DEPDC1B: variants seen among roughly 807,000 people sequenced by gnomAD.
DEPDC1B encodes DEP domain containing 1B.
In DEPDC1B, 51 loss-of-function variants were observed where a neutral mutation model predicts 66.5. That is an observed-to-expected ratio of 0.77 (90% confidence interval 0.61 to 0.97). The LOEUF is 0.97. Among genes scored for constraint, DEPDC1B ranks in the 50% least tolerant of loss-of-function variants. DEPDC1B has a pLI of 0.00. For synonymous variants in DEPDC1B, 226 were observed against 223.6 expected (o/e 1.01, Z -0.10); for missense variants, 552 against 637.1 (o/e 0.87, Z 1.44).
chr5:60,646,906 A>G (rs1403830390), intron 3 of DEPDC1B, among the ~76,000 whole-genome samples: 2 of 152,136 alleles, frequency 1.3e-5, no homozygotes, highest in Non-Finnish European at 2.9e-5. Flanking sequence ...ATGCCTGATG[A>G]TCTGTCATTG....
chr5:60,653,861 T>A (rs1448243786), intron 2 of DEPDC1B, among the ~76,000 whole-genome samples: 1 of 141,292 alleles, frequency 7.1e-6, no homozygotes, highest in Admixed American at 6.7e-5. Context: ...TTGAATAGGG[T>A]GTCCTTTCCC....
intron 7 of DEPDC1B, among the ~76,000 whole-genome samples, chr5:60,634,710 A>G (rs976176737): frequency 3.1e-4 from 47 of 151,550 alleles, no homozygotes; most frequent in African/African-American, 1.1e-3. Context: ...AAATATAAAA[A>G]TAAATAAATA....
intron 7 of DEPDC1B, among the ~76,000 whole-genome samples, chr5:60,634,072 G>C (rs1397099805): frequency 6.6e-6 from 1 of 152,180 alleles, no homozygotes; most frequent in Non-Finnish European, 1.5e-5. Flanking sequence ...GTCTGCAGCA[G>C]TGAAAAATCC....
chr5:60,680,654 T>C (rs1301424789), intron 2 of DEPDC1B, among the ~76,000 whole-genome samples: 1 of 152,246 alleles, frequency 6.6e-6, no homozygotes, highest in Non-Finnish European at 1.5e-5. Flanking sequence ...TTTTGCTATA[T>C]TTATATAAGT....
At chr5:60,614,345 T>C (rs1379410640) in intron 7 of DEPDC1B, among the ~76,000 whole-genome samples, 3 of 152,196 alleles carry the variant, frequency 2.0e-5, no homozygotes, top group Non-Finnish European at 4.4e-5. Context: ...TCTGTCTTCC[T>C]CCAATTGTCT....
At chr5:60,617,535 C>T (rs1752588844) in intron 7 of DEPDC1B, among the ~76,000 whole-genome samples, 1 of 151,904 alleles carries the variant, frequency 6.6e-6, no homozygotes, top group Admixed American at 6.5e-5. Flanking sequence ...TCAAAAGAGA[C>T]AAAGAAGGCC....
At position 60,700,125 on chromosome 5, in the gene DEPDC1B, C is replaced by A. The variant is rs1397203322; in HGVS notation, c.-32G>T. ...TAGGCAGCAGCGGCCGCAGCCGCGC[C>A]AGCGCTGATCCCCGCCAGCCGGAGG... is the stretch of plus-strand genomic sequence containing the variant. On this transcript the variant is annotated 5_prime_UTR_variant, in exon 1 of 11. Coordinates refer to ENST00000265036, the MANE Select transcript of DEPDC1B (RefSeq NM_018369.3). 12 of 1,535,768 alleles carry A rather than the reference C, an allele frequency of 7.8e-6. No homozygotes were observed. The highest frequency in any genetic ancestry group is 2.8e-5 in the African/African-American group (2 of 71,788).
At chr5:60,656,044 T>C (rs1306539350) in intron 2 of DEPDC1B, among the ~76,000 whole-genome samples, 1 of 152,138 alleles carries the variant, frequency 6.6e-6, no homozygotes, top group Non-Finnish European at 1.5e-5. Context: ...TCATATGGTC[T>C]ATCTTGGAGA....
chr5:60,673,379 C>T (rs750560460), intron 2 of DEPDC1B, among the ~76,000 whole-genome samples: 10 of 152,278 alleles, frequency 6.6e-5, no homozygotes, highest in Middle Eastern at 6.8e-3. Flanking sequence ...AACAGGAACT[C>T]CATGATGCCT....
intron 7 of DEPDC1B, among the ~76,000 whole-genome samples, chr5:60,611,119 CTG>C (rs1371767358): frequency 3.9e-5 from 6 of 152,286 alleles, no homozygotes; most frequent in African/African-American, 1.4e-4. Flanking sequence ...CACCATGTCT[CTG>C]TATCACATTT....
At position 60,614,186 on chromosome 5, in the gene DEPDC1B, C is replaced by T. The variant is rs1275004653; in HGVS notation, c.899-8330G>A. 4.6e-5 allele frequency among the ~76,000 whole-genome samples: 7 copies of T among 152,302 alleles called. No individual in the cohort carries two copies. In the East Asian group the frequency reaches 9.6e-4, roughly 21 times the overall value. ...GCATGGTTCTAAAAGCAGCACCATG[C>T]GTTTCCCCATCTGAGCCTTGATTTT... On this transcript the variant is annotated intron_variant, in intron 7 of 10. Coordinates refer to ENST00000265036, the MANE Select transcript of DEPDC1B (RefSeq NM_018369.3).
At chr5:60,642,382 G>C (rs1753209632) in intron 6 of DEPDC1B, among the ~76,000 whole-genome samples, 1 of 152,162 alleles carries the variant, frequency 6.6e-6, no homozygotes, top group South Asian at 2.1e-4. Flanking sequence ...CAGTGCCTAT[G>C]ATATTCAATG....
chr5:60,669,661 T>C (rs1753984430), intron 2 of DEPDC1B, among the ~76,000 whole-genome samples: 1 of 152,198 alleles, frequency 6.6e-6, no homozygotes, highest in Non-Finnish European at 1.5e-5. Context: ...CATAAAGTGT[T>C]TGAGGAAAGG....
intron 7 of DEPDC1B, among the ~76,000 whole-genome samples, chr5:60,632,307 C>A (rs1244078874): frequency 1.3e-5 from 2 of 152,168 alleles, no homozygotes; most frequent in African/African-American, 4.8e-5. Context: ...AAATCGGCTG[C>A]CAGGCATCAT....
At chr5:60,603,310 T>G in intron 9 of DEPDC1B, 81 bp downstream of exon 9, 1 of 1,324,926 alleles carries the variant, frequency 7.5e-7, no homozygotes, top group Non-Finnish European at 1.0e-6. Flanking sequence ...ATCCTCATAA[T>G]AAAATGCCCC....
chr5:60,601,450 T>C (rs1752197680), intron 9 of DEPDC1B, among the ~76,000 whole-genome samples: 1 of 152,216 alleles, frequency 6.6e-6, no homozygotes, highest in South Asian at 2.1e-4. Flanking sequence ...GAAATGTAAA[T>C]TGAAATGATC....
intron 1 of DEPDC1B, among the ~76,000 whole-genome samples, chr5:60,688,733 C>T (rs1302930479): frequency 6.6e-6 from 1 of 152,114 alleles, no homozygotes; most frequent in African/African-American, 2.4e-5. Flanking sequence ...GCAGTTAACA[C>T]TTTTCTCTAG....
chr5:60,648,726 T>C (rs1356599376), intron 2 of DEPDC1B, among the ~76,000 whole-genome samples: 4 of 152,092 alleles, frequency 2.6e-5, no homozygotes, highest in Non-Finnish European at 5.9e-5. Flanking sequence ...AAAAAGAGAG[T>C]TCTGGAAATC....
intron 7 of DEPDC1B, among the ~76,000 whole-genome samples, chr5:60,615,865 CG>C: frequency 6.6e-6 from 1 of 152,242 alleles, no homozygotes; most frequent in East Asian, 1.9e-4. Context: ...CCCTGACTCC[CG>C]AGTAGCTTAA....
Sources: allele counts gnomAD v4.1 joint callset (sites outside exome capture counted in the v4.1 genomes callset), GRCh38; gene constraint gnomAD v4.1.1; transcripts MANE v1.5; gene names NCBI Gene and HGNC (gene_info 2026-07-23, HGNC 2026-07-21).